SCARA5: variants seen among roughly 807,000 people sequenced by gnomAD.
The protein encoded by SCARA5 is scavenger receptor class A, member 5 (putative).
SCARA5 carries 45 observed loss-of-function variants against 46.3 expected under a neutral mutation model. The ratio of observed to expected loss-of-function variants is 0.97; its 90% confidence interval spans 0.76 to 1.24. The LOEUF (loss-of-function observed/expected upper bound fraction) is 1.24, where lower values mean the gene tolerates loss of function less well. SCARA5 is among the 50% of genes most tolerant of loss of function. The pLI, the probability that SCARA5 is intolerant of heterozygous loss-of-function variation, is 0.00. For synonymous variants in SCARA5, 333 were observed against 306.5 expected, an observed-to-expected ratio of 1.09 and a Z score of -0.90; for missense variants, 680 against 689.0, an observed-to-expected ratio of 0.99 and a Z score of 0.15.
At chr8:27,916,851 C>G (rs1292830375) in intron 4 of SCARA5, among the ~76,000 whole-genome samples, 2 of 152,130 alleles carry the variant, frequency 1.3e-5, no homozygotes, top group Non-Finnish European at 2.9e-5. Context: ...TGCATCCCCC[C>G]CGATTTCATA....
chr8:27,970,879 GCTTT>G (rs1179767135), intron 2 of SCARA5, among the ~76,000 whole-genome samples: 2 of 151,874 alleles, frequency 1.3e-5, no homozygotes, highest in East Asian at 1.9e-4. Flanking sequence ...CAAAATTTTG[GCTTT>G]TTTTTAAAAA....
rs536136022 is a variant in SCARA5, at chr8:27,916,065, G to T, written c.916+5506C>A. On this transcript the variant is annotated intron_variant, in intron 4 of 8. Coordinates refer to ENST00000354914, the MANE Select transcript of SCARA5 (RefSeq NM_173833.6). ...CCCACAGGCAGATTTCAACAGACCT[G>T]ATTAATGCTAAAAATCCAAAACAGA... 1.1e-4 allele frequency among the ~76,000 whole-genome samples: 16 copies of T among 152,226 alleles called. No homozygotes were observed. The South Asian group carries it at 3.3e-3, about 32-fold the overall frequency.
chr8:27,925,206 C>T (rs543982501), intron 3 of SCARA5, among the ~76,000 whole-genome samples: 59 of 152,266 alleles, frequency 3.9e-4, no homozygotes, highest in Non-Finnish European at 6.8e-4. Flanking sequence ...AAGAACAAAG[C>T]TGGAGGCATC....
chr8:27,967,222 C>A (rs1162484251), intron 2 of SCARA5, among the ~76,000 whole-genome samples: 1 of 152,268 alleles, frequency 6.6e-6, no homozygotes, highest in Non-Finnish European at 1.5e-5. Flanking sequence ...TCCTGTGACA[C>A]TCCTCAGCTT....
At chr8:27,976,518 T>G (rs1239156700) in intron 2 of SCARA5, among the ~76,000 whole-genome samples, 1 of 152,166 alleles carries the variant, frequency 6.6e-6, no homozygotes, top group African/African-American at 2.4e-5. Context: ...CCACTCCTCT[T>G]TCTGGGATGC....
chr8:27,873,888 A>C (rs1036946273), intron 8 of SCARA5, among the ~76,000 whole-genome samples: 3 of 152,216 alleles, frequency 2.0e-5, no homozygotes, highest in Admixed American at 1.3e-4. Flanking sequence ...CGTCTCTACC[A>C]AAAACACAAA....
intron 4 of SCARA5, among the ~76,000 whole-genome samples, chr8:27,917,472 A>G (rs888386688): frequency 6.6e-6 from 1 of 152,082 alleles, no homozygotes; most frequent in African/African-American, 2.4e-5. Context: ...AAGGGCCTGG[A>G]AAGTGCCTCA....
intron 3 of SCARA5, among the ~76,000 whole-genome samples, chr8:27,927,375 C>G (rs534225135): frequency 3.1e-4 from 47 of 152,194 alleles, no homozygotes; most frequent in Non-Finnish European, 5.3e-4. Context: ...AACAAATAGT[C>G]ACATAAACCT....
At chr8:27,936,222 A>G (rs1434234207) in intron 3 of SCARA5, among the ~76,000 whole-genome samples, 24 of 152,096 alleles carry the variant, frequency 1.6e-4, no homozygotes, top group Non-Finnish European at 4.4e-5. Context: ...CTAGGGCAAC[A>G]TGGTTGCCTA....
chr8:27,886,004 T>C (rs2129689370), intron 7 of SCARA5: 1 of 154,898 alleles, frequency 6.5e-6, no homozygotes, highest in Non-Finnish European at 1.5e-5. Context: ...CCATGGCCCA[T>C]GCTTACCATG....
intron 7 of SCARA5, among the ~76,000 whole-genome samples, chr8:27,900,155 A>G (rs1422473750): frequency 6.6e-6 from 1 of 151,980 alleles, no homozygotes; most frequent in Non-Finnish European, 1.5e-5. Context: ...AAAACCAAAA[A>G]AACAAAAAAC....
chr8:27,877,940 G>A (rs754944637), intron 8 of SCARA5, among the ~76,000 whole-genome samples: 16 of 152,202 alleles, frequency 1.1e-4, no homozygotes, highest in Non-Finnish European at 1.8e-4. Flanking sequence ...TGGGAGGAGT[G>A]GAGGCTTCCA....
At chr8:27,873,058 T>A (rs138269577) in intron 8 of SCARA5, among the ~76,000 whole-genome samples, 102 of 152,332 alleles carry the variant, frequency 6.7e-4, no homozygotes, top group African/African-American at 2.4e-3. Context: ...CTGTCAGCTC[T>A]AGGTACCAAT....
At chr8:27,915,228 A>AGTGG (rs1807442101) in intron 4 of SCARA5, among the ~76,000 whole-genome samples, 1 of 152,098 alleles carries the variant, frequency 6.6e-6, no homozygotes, top group Non-Finnish European at 1.5e-5. Flanking sequence ...GACCCTGAGA[A>AGTGG]GTGGACAAGG....
At chr8:27,941,909 C>A (rs1332632698) in intron 3 of SCARA5, among the ~76,000 whole-genome samples, 1 of 151,596 alleles carries the variant, frequency 6.6e-6, no homozygotes, top group African/African-American at 2.4e-5. Flanking sequence ...TCACTGCAAC[C>A]TCTGCCTCCC....
chr8:27,944,818 C>T (rs1007754475), intron 3 of SCARA5, among the ~76,000 whole-genome samples: 4 of 151,820 alleles, frequency 2.6e-5, no homozygotes, highest in African/African-American at 7.3e-5. Flanking sequence ...TGCAGTGAGC[C>T]GAGATCACGC....
rs556843600 is a variant in SCARA5, at chr8:27,904,582, T to A, written c.1153+196A>T. ...GCCAGGTTTATGACACCTCTAGAAA[T>A]GTGGCCAGTGCCCCTGGGGTCTATC... On this transcript the variant is annotated intron_variant, in intron 7 of 8. Coordinates refer to ENST00000354914, the MANE Select transcript of SCARA5 (RefSeq NM_173833.6). 80 of 661,184 alleles carry A rather than the reference T, an allele frequency of 1.2e-4. No homozygotes were observed. The Admixed American group carries it at 1.9e-3, about 16-fold the overall frequency. 41.0% of individuals were successfully genotyped at this position (661,184 alleles called of 1,614,324 possible). A position where few individuals can be genotyped will look rare whatever the true frequency, so the allele number is the denominator to read the frequency against.
intron 3 of SCARA5, among the ~76,000 whole-genome samples, chr8:27,937,481 A>G (rs919599183): frequency 3.3e-5 from 5 of 152,166 alleles, no homozygotes; most frequent in Non-Finnish European, 5.9e-5. Context: ...CAACTCCAGG[A>G]CACATGCTGG....
intron 3 of SCARA5, among the ~76,000 whole-genome samples, chr8:27,951,003 A>G (rs754536729): frequency 6.6e-6 from 1 of 152,144 alleles, no homozygotes; most frequent in Non-Finnish European, 1.5e-5. Context: ...TGCTTAATAC[A>G]TCATCTCATC....
Sources: gnomAD v4.1 joint callset for allele counts (sites outside exome capture counted in the v4.1 genomes callset) on GRCh38, gnomAD v4.1.1 for gene constraint, MANE v1.5 for transcripts, NCBI Gene and HGNC (gene_info 2026-07-23, HGNC 2026-07-21) for gene names.